Variants in MAP3K5 observed in about 807,000 individuals in gnomAD.
The protein encoded by MAP3K5 is mitogen-activated protein kinase kinase kinase 5.
In MAP3K5, 56 loss-of-function variants were observed where a neutral mutation model predicts 158.7. The observed-to-expected ratio is 0.35, with a 90% CI of 0.28 to 0.44. The LOEUF is 0.44. Among genes scored for constraint, MAP3K5 ranks in the 20% least tolerant of loss-of-function variants. The pLI, the probability that MAP3K5 is intolerant of heterozygous loss-of-function variation, is 1.00. For synonymous variants in MAP3K5, 579 were observed against 601.7 expected, an observed-to-expected ratio of 0.96 and a Z score of 0.55; for missense variants, 1,294 against 1,674.8, an observed-to-expected ratio of 0.77 and a Z score of 3.97.
intron 7 of MAP3K5, among the ~76,000 whole-genome samples, chr6:136,673,795 T>C (rs866766714): frequency 6.6e-6 from 1 of 150,472 alleles, no homozygotes; most frequent in Non-Finnish European, 1.5e-5. Context: ...CTAACCTATG[T>C]ATTACTGTAG....
intron 2 of MAP3K5, among the ~76,000 whole-genome samples, chr6:136,710,962 T>G (rs1378140988): frequency 1.3e-5 from 2 of 152,056 alleles, no homozygotes; most frequent in East Asian, 3.9e-4. Context: ...CAAGAAACTA[T>G]CAGATGGGCT....
chr6:136,558,545 G>A (rs1830354616), intron 29 of MAP3K5, among the ~76,000 whole-genome samples: 1 of 152,116 alleles, frequency 6.6e-6, no homozygotes, highest in African/African-American at 2.4e-5. Flanking sequence ...CAGAATATCT[G>A]CATGGACTTA....
intron 25 of MAP3K5, among the ~76,000 whole-genome samples, chr6:136,574,994 A>AC (rs1774546335): frequency 6.6e-6 from 1 of 151,042 alleles, no homozygotes; most frequent in South Asian, 2.1e-4. Context: ...CGGCCTAAAC[A>AC]CTTTTTTTTT....
At chr6:136,634,888 T>G (rs1777545627) in intron 14 of MAP3K5, among the ~76,000 whole-genome samples, 1 of 149,658 alleles carries the variant, frequency 6.7e-6, no homozygotes, top group Admixed American at 6.6e-5. Context: ...TCTTTTCTTC[T>G]CTTTTTTTTT....
chr6:136,779,597 T>C (rs80203311), intron 1 of MAP3K5, among the ~76,000 whole-genome samples: 6,492 of 152,286 alleles, frequency 0.043, 158 homozygotes, highest in African/African-American at 0.075. Context: ...TGTCAGCTTA[T>C]GTAATCTTAC....
chr6:136,746,586 C>A (rs2114902710), intron 1 of MAP3K5, among the ~76,000 whole-genome samples: 1 of 152,162 alleles, frequency 6.6e-6, no homozygotes, highest in South Asian at 2.1e-4. Flanking sequence ...ACAGAGAAAA[C>A]CATGCAGGGT....
chr6:136,715,617 A>AT (rs1172132233), intron 2 of MAP3K5, among the ~76,000 whole-genome samples: 1 of 152,240 alleles, frequency 6.6e-6, no homozygotes, highest in Non-Finnish European at 1.5e-5. Context: ...TTTTATATAG[A>AT]TGGTATGATA....
At chr6:136,561,386 C>T (rs186210936) in intron 28 of MAP3K5, 147 bp downstream of exon 28, 142 of 554,894 alleles carry the variant, frequency 2.6e-4, no homozygotes, top group African/African-American at 2.2e-3. Context: ...CTGATTATCA[C>T]GTGCCTACCC....
At chr6:136,780,792 T>G (rs1440711237) in intron 1 of MAP3K5, among the ~76,000 whole-genome samples, 3 of 152,236 alleles carry the variant, frequency 2.0e-5, no homozygotes, top group Non-Finnish European at 4.4e-5. Flanking sequence ...TCTTTATAAC[T>G]AAAATGTTTC....
chr6:136,647,815 C>G (rs531980469), intron 11 of MAP3K5: 1 of 152,594 alleles, frequency 6.6e-6, no homozygotes, highest in Admixed American at 6.5e-5. Flanking sequence ...CTTTAGCAAG[C>G]CTTCTCGAAG....
At chr6:136,648,982 T>G (rs1310819350) in intron 11 of MAP3K5, among the ~76,000 whole-genome samples, 1 of 152,232 alleles carries the variant, frequency 6.6e-6, no homozygotes, top group African/African-American at 2.4e-5. Context: ...ATTTTATTTA[T>G]TTTTTGAGAT....
intron 1 of MAP3K5, among the ~76,000 whole-genome samples, chr6:136,760,833 G>A (rs1206650396): frequency 6.6e-6 from 1 of 152,152 alleles, no homozygotes; most frequent in Non-Finnish European, 1.5e-5. Flanking sequence ...AGCCAGGCAT[G>A]GTGGCACAGG....
chr6:136,595,349 C>T (rs6928301), intron 21 of MAP3K5, among the ~76,000 whole-genome samples: 5,784 of 152,276 alleles, frequency 0.038, 369 homozygotes, highest in African/African-American at 0.13. Context: ...AAGTAATCCA[C>T]CTGCTTCGGC....
intron 8 of MAP3K5, among the ~76,000 whole-genome samples, chr6:136,659,688 G>A (rs1302099941): frequency 1.3e-5 from 2 of 152,200 alleles, no homozygotes; most frequent in Non-Finnish European, 2.9e-5. Flanking sequence ...AACGTGGAAA[G>A]CAGAATAGAG....
At chr6:136,713,638 C>T (rs193059545) in intron 2 of MAP3K5, among the ~76,000 whole-genome samples, 122 of 152,288 alleles carry the variant, frequency 8.0e-4, no homozygotes, top group Non-Finnish European at 1.3e-3. Flanking sequence ...TTACCTCTTT[C>T]CTTCCCCAAT....
Position 136,755,380 on chromosome 6 carries a change from A to G in MAP3K5, c.449-34791T>C, listed in dbSNP as rs193169629. On this transcript the variant is annotated intron_variant, in intron 1 of 29. Coordinates refer to ENST00000359015, the MANE Select transcript of MAP3K5 (RefSeq NM_005923.4). ...AGGGTCTCCTCTCCCAGCCCTCTAA[A>G]CTTCCCTTTGAGCACATAATTTGTA... Among the ~76,000 whole-genome samples the G allele has an allele frequency of 2.9e-3, 437 of 151,982 alleles. 2 individuals carry two copies. Among genetic ancestry groups the G allele is most frequent in the African/African-American group, 0.01 (421 of 41,436 alleles).
chr6:136,787,092 G>C (rs1262306824), intron 1 of MAP3K5, among the ~76,000 whole-genome samples: 2 of 152,094 alleles, frequency 1.3e-5, no homozygotes, highest in African/African-American at 4.8e-5. Context: ...GCCAGGTGTG[G>C]TGGCTCACAC....
At position 136,695,948 on chromosome 6, in the gene MAP3K5, T is replaced by C; in HGVS notation, c.1082+3A>G. 6.3e-7 allele frequency: 1 copy of C among 1,592,782 alleles called. No individual in the cohort carries two copies. Among genetic ancestry groups the C allele is most frequent in the Non-Finnish European group, 8.6e-7 (1 of 1,163,154 alleles). ...ATTCTGGAAGGGAACTTTTTCTTCT[T>C]ACCTATTCAGTGCAAATGCATAATG... On this transcript the variant is annotated splice_donor_region_variant and intron_variant, in intron 6 of 29. Coordinates refer to ENST00000359015, the MANE Select transcript of MAP3K5 (RefSeq NM_005923.4).
At chr6:136,719,325 GA>G (rs1254794569) in intron 2 of MAP3K5, among the ~76,000 whole-genome samples, 1 of 152,168 alleles carries the variant, frequency 6.6e-6, no homozygotes, top group Non-Finnish European at 1.5e-5. Context: ...AACATTTTAT[GA>G]TGTACTAATT....
Sources: allele counts gnomAD v4.1 joint callset (sites outside exome capture counted in the v4.1 genomes callset), GRCh38; gene constraint gnomAD v4.1.1; transcripts MANE v1.5; gene names NCBI Gene and HGNC (gene_info 2026-07-23, HGNC 2026-07-21).